The following CSMD1 variants were observed in gnomAD, a reference collection of about 807,000 sequenced individuals.
CSMD1 encodes CUB and Sushi multiple domains 1.
A neutral mutation model predicts 417.5 loss-of-function variants in CSMD1; 213 were observed. That is an observed-to-expected ratio of 0.51 (90% CI 0.46 to 0.57). CSMD1 has a LOEUF of 0.57. CSMD1 is among the 20% of genes least tolerant of loss of function. The pLI is 0.00. For synonymous variants in CSMD1, 2,862 were observed against 1,736.8 expected (o/e 1.65, Z -16.11); for missense variants, 6,923 against 4,529.7 (o/e 1.53, Z -15.17).
chr8:3,491,643 G>A (rs1818387735), intron 11 of CSMD1, among the ~76,000 whole-genome samples: 1 of 152,162 alleles, frequency 6.6e-6, no homozygotes, highest in South Asian at 2.1e-4. Context: ...CCTCTTCTGG[G>A]TCCATCGATT....
At chr8:3,925,173 T>C (rs1809562749) in intron 5 of CSMD1, among the ~76,000 whole-genome samples, 1 of 152,156 alleles carries the variant, frequency 6.6e-6, no homozygotes, top group Non-Finnish European at 1.5e-5. Context: ...CCCATAGAAA[T>C]TATGAGAAAA....
intron 2 of CSMD1, among the ~76,000 whole-genome samples, chr8:4,523,002 G>A (rs953203485): frequency 2.6e-5 from 4 of 152,122 alleles, no homozygotes; most frequent in African/African-American, 9.7e-5. Flanking sequence ...AAGTACTAAG[G>A]AGTAGGGCTT....
intron 42 of CSMD1, chr8:3,113,024 G>A (rs1053221883): frequency 2.0e-5 from 3 of 152,232 alleles, no homozygotes; most frequent in African/African-American, 7.2e-5. Context: ...CCCAAGTGGT[G>A]GCGTCTCACT....
At chr8:3,262,184 A>AAAAATATATACATATAT (rs1420684024) in intron 26 of CSMD1, among the ~76,000 whole-genome samples, 1 of 63,172 alleles carries the variant, frequency 1.6e-5, no homozygotes, top group African/African-American at 7.1e-5. Context: ...TGCTCATATG[A>AAAAATATATACATATAT]ATATATATAT....
chr8:3,333,898 TGTGA>T (rs1239224109), intron 23 of CSMD1, among the ~76,000 whole-genome samples: 8 of 152,214 alleles, frequency 5.3e-5, no homozygotes, highest in South Asian at 2.1e-4. Flanking sequence ...CTGGGAAATC[TGTGA>T]GTGTCTTTAT....
At chr8:4,643,473 C>G (rs186140931) in intron 1 of CSMD1, among the ~76,000 whole-genome samples, 1 of 152,104 alleles carries the variant, frequency 6.6e-6, no homozygotes, top group Admixed American at 6.5e-5. Context: ...CATTGCCTTA[C>G]TCCTACTGGA....
At chr8:3,337,115 C>T (rs534209409) in intron 23 of CSMD1, among the ~76,000 whole-genome samples, 1 of 152,048 alleles carries the variant, frequency 6.6e-6, no homozygotes, top group Non-Finnish European at 1.5e-5. Flanking sequence ...CCCTGGAACC[C>T]TGGGCATGAC....
chr8:3,879,756 T>A (rs980881214), intron 5 of CSMD1, among the ~76,000 whole-genome samples: 3 of 152,164 alleles, frequency 2.0e-5, no homozygotes, highest in East Asian at 1.9e-4. Flanking sequence ...CTAGCACGTT[T>A]TTCTATGAAC....
At chr8:4,357,090 G>T (rs1356050425) in intron 3 of CSMD1, among the ~76,000 whole-genome samples, 1 of 152,146 alleles carries the variant, frequency 6.6e-6, no homozygotes, top group Admixed American at 6.5e-5. Flanking sequence ...GAATAATACT[G>T]TGTTATGTAT....
Position 3,096,622 on chromosome 8 carries a change from C to G in CSMD1, c.7138+227G>C, listed in dbSNP as rs1815320194. Among the ~76,000 whole-genome samples, 4 of 152,076 alleles carry G rather than the reference C, an allele frequency of 2.6e-5. No individual in the cohort carries two copies. The South Asian group carries it at 8.3e-4, about 31-fold the overall frequency. On this transcript the variant is annotated intron_variant, in intron 47 of 69. Coordinates refer to ENST00000635120, the MANE Select transcript of CSMD1 (RefSeq NM_033225.6). ...CTAGTCTTGGGTCTGTCTTTATCAGCAGCATGAAAATGGACTAATACAGTA... is the reference window on the plus strand; with the variant it reads ...CTAGTCTTGGGTCTGTCTTTATCAGGAGCATGAAAATGGACTAATACAGTA...
intron 3 of CSMD1, among the ~76,000 whole-genome samples, chr8:4,183,710 T>C (rs559115206): frequency 4.8e-4 from 73 of 152,342 alleles, no homozygotes; most frequent in Admixed American, 1.4e-3. Context: ...AACTATCAAA[T>C]GATGAAAAAT....
intron 1 of CSMD1, among the ~76,000 whole-genome samples, chr8:4,745,165 G>A (rs952439938): frequency 1.3e-5 from 2 of 151,928 alleles, no homozygotes; most frequent in Admixed American, 1.3e-4. Flanking sequence ...ATCTTATGTA[G>A]GTAAGTTCTA....
chr8:4,069,881 G>GT (rs1408765395), intron 3 of CSMD1, among the ~76,000 whole-genome samples: 23 of 129,924 alleles, frequency 1.8e-4, no homozygotes, highest in Admixed American at 5.5e-4. Context: ...ACAGTAAGGT[G>GT]TTTTGTTTTG....
intron 1 of CSMD1, among the ~76,000 whole-genome samples, chr8:4,922,293 T>A (rs996432913): frequency 6.6e-6 from 1 of 152,180 alleles, no homozygotes; most frequent in East Asian, 1.9e-4. Context: ...TAAATAGGCA[T>A]CATTGATTCT....
In CSMD1 at chr8:3,110,467, C is replaced by T. The variant is rs544314375; in HGVS notation, c.6431-132G>A. On this transcript the variant is annotated intron_variant, in intron 42 of 69. Transcript: ENST00000635120. ...AAATAGGTGTGAAATATTTCTGAAT[C>T]ACCATTTTGTCAAAATTACTGCCCT... The T allele has an allele frequency of 6.3e-5, 44 of 694,642 alleles. No individual in the cohort carries two copies. The African/African-American group carries it at 8.0e-4, about 13-fold the overall frequency. The allele number at this position is 694,642 out of a possible 1,614,324, so 43.0% of individuals were successfully genotyped here.
intron 5 of CSMD1, among the ~76,000 whole-genome samples, chr8:3,928,131 G>C (rs979529665): frequency 1.3e-5 from 2 of 152,076 alleles, no homozygotes; most frequent in South Asian, 2.1e-4. Flanking sequence ...ACTATCTATA[G>C]ATTTAATTGC....
At chr8:3,908,900 A>T (rs1264085310) in intron 5 of CSMD1, among the ~76,000 whole-genome samples, 1 of 152,196 alleles carries the variant, frequency 6.6e-6, no homozygotes, top group Non-Finnish European at 1.5e-5. Context: ...TAAGAGGAAG[A>T]TCACTCATGC....
rs1317600947 is a variant in CSMD1, at chr8:3,796,339, T to C, written c.819-42297A>G. 9.2e-5 allele frequency among the ~76,000 whole-genome samples: 9 copies of C among 97,388 alleles called. 2 individuals carry two copies. Among genetic ancestry groups the C allele is most frequent in the African/African-American group, 3.6e-4 (9 of 25,072 alleles). The allele number at this position is 97,388 out of a possible 152,430, so 63.9% of individuals were successfully genotyped here. On this transcript the variant is annotated intron_variant, in intron 5 of 69. Transcript: ENST00000635120. ...GATATCTATCATGTATAGATATAGATATATATCTATCATGTATAGATATAG... is the reference window on the plus strand; with the variant it reads ...GATATCTATCATGTATAGATATAGACATATATCTATCATGTATAGATATAG...
intron 49 of CSMD1, among the ~76,000 whole-genome samples, chr8:3,069,478 A>T (rs1174643035): frequency 1.3e-5 from 2 of 151,992 alleles, no homozygotes; most frequent in Non-Finnish European, 2.9e-5. Context: ...TACATGCCCC[A>T]TTCAAGTTTG....
Sources: allele counts gnomAD v4.1 joint callset (sites outside exome capture counted in the v4.1 genomes callset), GRCh38; gene constraint gnomAD v4.1.1; transcripts MANE v1.5; gene names NCBI Gene and HGNC (gene_info 2026-07-23, HGNC 2026-07-21).